FGGY: variants seen among roughly 807,000 people sequenced by gnomAD.
The protein encoded by FGGY is FGGY carbohydrate kinase domain-containing protein.
Under a neutral mutation model 71.3 loss-of-function variants are expected in FGGY, and 72 were observed. The ratio of observed to expected loss-of-function variants is 1.01; its 90% CI spans 0.84 to 1.23. FGGY has a LOEUF of 1.23. Among genes scored for constraint, FGGY ranks in the 50% most tolerant of loss-of-function variants. The probability of loss-of-function intolerance (pLI) is 0.00; values close to 1 mark genes in which losing one functional copy is unlikely to be tolerated. For missense variants in FGGY, 668 were observed against 682.3 expected, an observed-to-expected ratio of 0.98 and a Z score of 0.23; for synonymous variants, 251 against 250.3, an observed-to-expected ratio of 1.00 and a Z score of -0.02.
intron 9 of FGGY, among the ~76,000 whole-genome samples, chr1:59,614,655 C>T (rs2096730659): frequency 6.6e-6 from 1 of 152,238 alleles, no homozygotes; most frequent in South Asian, 2.1e-4. Context: ...TCAGGGCAAT[C>T]AGGCAGGAGA....
intron 8 of FGGY, among the ~76,000 whole-genome samples, chr1:59,563,415 A>C (rs1241787519): frequency 2.6e-5 from 4 of 152,194 alleles, no homozygotes; most frequent in African/African-American, 9.6e-5. Context: ...TAGAGAGTCA[A>C]ATCATGAGTG....
chr1:59,330,446 G>A (rs1042572714), intron 2 of FGGY, among the ~76,000 whole-genome samples: 2 of 152,012 alleles, frequency 1.3e-5, no homozygotes, highest in Admixed American at 6.6e-5. Context: ...GTGTGCGCCT[G>A]TAATCCCAAC....
intron 15 of FGGY, among the ~76,000 whole-genome samples, chr1:59,758,367 A>G (rs1313319839): frequency 6.6e-6 from 1 of 152,258 alleles, no homozygotes; most frequent in African/African-American, 2.4e-5. Flanking sequence ...AAAAAATGAC[A>G]TTGGTCAGTA....
intron 8 of FGGY, among the ~76,000 whole-genome samples, chr1:59,586,344 C>A (rs2096286393): frequency 6.6e-6 from 1 of 152,044 alleles, no homozygotes; most frequent in Non-Finnish European, 1.5e-5. Context: ...AAAATGAGTT[C>A]ATGTCCTTTG....
chr1:59,639,569 C>G lies in FGGY; in HGVS notation c.1221+1194C>G, dbSNP rs74086256. On this transcript the variant is annotated intron_variant, in intron 11 of 15. Coordinates refer to ENST00000303721, the MANE Select transcript of FGGY (RefSeq NM_018291.5). The stretch of plus-strand genomic sequence containing the variant: ...GTCATACTTTCAGATAACCAACTCT[C>G]TCTGTAAACAGGGGGTAGGGGAAGA... 4.0e-3 allele frequency among the ~76,000 whole-genome samples: 612 copies of G among 152,316 alleles called. 5 individuals carry two copies. Among genetic ancestry groups the G allele is most frequent in the African/African-American group, 0.014 (586 of 41,562 alleles).
rs190414129 is a variant in FGGY at position 59,452,167 on chromosome 1, A to T, written c.555-4794A>T. Among the ~76,000 whole-genome samples the T allele has an allele frequency of 6.5e-3, 980 of 151,788 alleles. 28 individuals are homozygous for T. The highest frequency in any genetic ancestry group is 0.059 in the Admixed American group (902 of 15,230). ...GTTATTCTCATGTTAGGCTTCTGGA[A>T]TCTGTCCTCCAAGCCTCTTATCTCT... On this transcript the variant is annotated intron_variant, in intron 5 of 15. Coordinates refer to ENST00000303721, the MANE Select transcript of FGGY (RefSeq NM_018291.5).
intron 11 of FGGY, among the ~76,000 whole-genome samples, chr1:59,640,517 G>A (rs887985699): frequency 4.6e-5 from 7 of 152,096 alleles, no homozygotes; most frequent in South Asian, 2.1e-4. Context: ...GGGAGTGGGC[G>A]AGTGCTTGAA....
intron 3 of FGGY, among the ~76,000 whole-genome samples, chr1:59,343,762 A>G (rs2051192834): frequency 1.3e-5 from 2 of 152,216 alleles, no homozygotes; most frequent in Admixed American, 6.5e-5. Context: ...ATTCTAATAC[A>G]GTAATGATTC....
At chr1:59,562,178 A>G (rs918425136) in intron 8 of FGGY, among the ~76,000 whole-genome samples, 3 of 152,246 alleles carry the variant, frequency 2.0e-5, no homozygotes, top group Non-Finnish European at 2.9e-5. Context: ...TTGTACAGTA[A>G]TGTTCATACC....
chr1:59,721,015 T>C (rs2097887356), intron 14 of FGGY, among the ~76,000 whole-genome samples: 1 of 152,146 alleles, frequency 6.6e-6, no homozygotes, highest in Non-Finnish European at 1.5e-5. Flanking sequence ...GGAATCATCT[T>C]TCCGTTGATT....
chr1:59,715,064 T>A (rs2097834279), intron 14 of FGGY, among the ~76,000 whole-genome samples: 1 of 152,176 alleles, frequency 6.6e-6, no homozygotes, highest in Non-Finnish European at 1.5e-5. Flanking sequence ...TTTCGTTGCC[T>A]TCTCACATAA....
intron 5 of FGGY, among the ~76,000 whole-genome samples, chr1:59,415,333 T>G: frequency 6.6e-6 from 1 of 152,274 alleles, no homozygotes; most frequent in East Asian, 1.9e-4. Context: ...TCACAACAAG[T>G]GTTGATTTTT....
intron 4 of FGGY, among the ~76,000 whole-genome samples, chr1:59,378,334 TC>T (rs1203816848): frequency 6.6e-6 from 1 of 151,896 alleles, no homozygotes; most frequent in Non-Finnish European, 1.5e-5. Context: ...TAAGAGGTTT[TC>T]CCTTTCTCTG....
At chr1:59,525,169 G>T (rs2094943400) in intron 7 of FGGY, among the ~76,000 whole-genome samples, 1 of 152,244 alleles carries the variant, frequency 6.6e-6, no homozygotes, top group Non-Finnish European at 1.5e-5. Context: ...AGCACCTGTA[G>T]CTGCCTCCCC....
At chr1:59,520,631 A>G (rs919255623) in intron 7 of FGGY, among the ~76,000 whole-genome samples, 4 of 152,226 alleles carry the variant, frequency 2.6e-5, no homozygotes, top group African/African-American at 9.7e-5. Context: ...CACTAAATCA[A>G]TGTAATTATT....
At chr1:59,353,682 C>T (rs1015446790) in intron 4 of FGGY, among the ~76,000 whole-genome samples, 4 of 152,132 alleles carry the variant, frequency 2.6e-5, no homozygotes, top group African/African-American at 9.7e-5. Context: ...TTAATCTTTA[C>T]AGCAGTCTGT....
intron 8 of FGGY, among the ~76,000 whole-genome samples, chr1:59,585,286 G>A (rs1185890662): frequency 6.6e-6 from 1 of 152,092 alleles, no homozygotes; most frequent in Non-Finnish European, 1.5e-5. Flanking sequence ...CAGGCTACAG[G>A]AACCAAAATA....
At chr1:59,706,093 G>A (rs879939853) in intron 14 of FGGY, among the ~76,000 whole-genome samples, 3 of 152,184 alleles carry the variant, frequency 2.0e-5, no homozygotes, top group Admixed American at 6.5e-5. Flanking sequence ...GTCTACGTGG[G>A]TGGAGAGTTC....
At chr1:59,451,558 G>T (rs60712753) in intron 5 of FGGY, among the ~76,000 whole-genome samples, 5,994 of 151,966 alleles carry the variant, frequency 0.039, 383 homozygotes, top group African/African-American at 0.14. Flanking sequence ...CATATATGCA[G>T]GAAAGAGACA....
Sources: gnomAD v4.1 joint callset for allele counts (sites outside exome capture counted in the v4.1 genomes callset) on GRCh38, gnomAD v4.1.1 for gene constraint, MANE v1.5 for transcripts, NCBI Gene and HGNC (gene_info 2026-07-23, HGNC 2026-07-21) for gene names.